Variants in TRIM14 observed in about 807,000 individuals in gnomAD.
The protein encoded by TRIM14 is tripartite motif containing 14, also known as tripartite motif-containing protein 14.
In TRIM14, 28 loss-of-function variants were observed where a neutral mutation model predicts 44.5. That is an observed-to-expected ratio of 0.63 (90% CI 0.47 to 0.86). TRIM14 has a LOEUF of 0.86. Ranked by LOEUF, TRIM14 falls within the 40% of genes least tolerant of loss-of-function variation. TRIM14 has a pLI of 0.00. For missense variants in TRIM14, 607 were observed against 611.1 expected (o/e 0.99, Z 0.07); for synonymous variants, 299 against 269.2 (o/e 1.11, Z -1.08).
At chr9:98,059,489 A>G in the TRIM14 span, among the ~76,000 whole-genome samples, 2 of 152,058 alleles carry the variant, frequency 1.3e-5, no homozygotes, top group Non-Finnish European at 2.9e-5. Context: ...ATCATAGCTC[A>G]TTGCCACCTC....
At chr9:98,078,180 C>CTGA (rs768328207) in intron 6 of TRIM14, 17 of 1,614,140 alleles carry the variant, frequency 1.1e-5, no homozygotes, top group Admixed American at 1.7e-5. Context: ...GGTGTTGGTG[C>CTGA]TGGATTACTC....
downstream of TRIM14, chr9:98,082,953 C>CAT: frequency 6.2e-7 from 1 of 1,614,172 alleles, no homozygotes; most frequent in Non-Finnish European, 8.5e-7. Context: ...CTCCTGAAGA[C>CAT]ATCTTTAATC....
chr9:98,061,458 C>A, the TRIM14 span, among the ~76,000 whole-genome samples: 2 of 111,844 alleles, frequency 1.8e-5, no homozygotes. Context: ...GCCTGGGCAA[C>A]AGAACAAGAG....
intron 6 of TRIM14, among the ~76,000 whole-genome samples, chr9:98,072,089 T>C (rs1035448144): frequency 1.3e-5 from 2 of 152,198 alleles, no homozygotes; most frequent in African/African-American, 4.8e-5. Context: ...AGTCAGGCTC[T>C]CTGAGCTCAG....
intron 5 of TRIM14, 26 bp from the exon 6 acceptor site, chr9:98,088,031 ACCTGGTGGGCGGGG>A (rs753407650): frequency 6.9e-7 from 1 of 1,458,610 alleles, no homozygotes; most frequent in African/African-American, 1.5e-5. Context: ...CAAGGGACGC[ACCTGGTGGGCGGGG>A]CCAGCGCGGC....
chr9:98,068,132 T>C (rs927404624), downstream of TRIM14, among the ~76,000 whole-genome samples: 5 of 152,160 alleles, frequency 3.3e-5, no homozygotes, highest in Non-Finnish European at 7.4e-5. Context: ...GTTTAAAAAT[T>C]TCTCATTTAT....
At chr9:98,094,582 A>G (rs1826113926) in intron 4 of TRIM14, among the ~76,000 whole-genome samples, 1 of 152,230 alleles carries the variant, frequency 6.6e-6, no homozygotes, top group Non-Finnish European at 1.5e-5. Context: ...TGGTCATTCC[A>G]GCTGGGAGCC....
intron 6 of TRIM14, among the ~76,000 whole-genome samples, chr9:98,070,774 T>TA (rs758925592): frequency 6.6e-6 from 1 of 150,640 alleles, no homozygotes; most frequent in Non-Finnish European, 1.5e-5. Context: ...CATCAAAAAA[T>TA]AAAAATAAAA....
chr9:98,098,450 G>A (rs1310066101), intron 3 of TRIM14, among the ~76,000 whole-genome samples: 2 of 152,002 alleles, frequency 1.3e-5, no homozygotes, highest in Non-Finnish European at 2.9e-5. Context: ...GGTGGCTCAC[G>A]CCTGTAATCC....
chr9:98,046,787 T>A, the TRIM14 span, among the ~76,000 whole-genome samples: 1 of 152,156 alleles, frequency 6.6e-6, no homozygotes, highest in Non-Finnish European at 1.5e-5. Flanking sequence ...TTTAAAGCCT[T>A]TACAAAAGGC....
At chr9:98,093,933 A>G (rs1826089469) in intron 4 of TRIM14, among the ~76,000 whole-genome samples, 1 of 152,028 alleles carries the variant, frequency 6.6e-6, no homozygotes, top group South Asian at 2.1e-4. Context: ...TGTAGTAGAG[A>G]TGGGGTTTCA....
At chr9:98,046,528 G>A in the TRIM14 span, among the ~76,000 whole-genome samples, 6 of 151,594 alleles carry the variant, frequency 4.0e-5, no homozygotes, top group Admixed American at 6.6e-5. Flanking sequence ...AGCAACCTCC[G>A]CCTCCCGGGT....
In TRIM14 at chr9:98,087,405, T is replaced by C. The variant is rs895659718; in HGVS notation, c.*65A>G. On this transcript the variant is annotated 3_prime_UTR_variant, in exon 6 of 6. Transcript: ENST00000341469. Reference sequence around the variant, plus strand: ...AGTAAGGGGACCAGCCACGCTGATCTAGGTAGATTAGGCGAGACTGGGCAG... The same window carrying C: ...AGTAAGGGGACCAGCCACGCTGATCCAGGTAGATTAGGCGAGACTGGGCAG... The C allele has an allele frequency of 1.9e-6, 3 of 1,608,664 alleles. No individual in the cohort carries two copies. The highest frequency in any genetic ancestry group is 2.7e-5 in the African/African-American group (2 of 74,786).
At chr9:98,060,415 T>C in the TRIM14 span, among the ~76,000 whole-genome samples, 3 of 152,226 alleles carry the variant, frequency 2.0e-5, no homozygotes, top group Admixed American at 6.5e-5. Context: ...ATGCCTGTAA[T>C]CCCAGCACTT....
At chr9:98,044,728 AAAC>A in the TRIM14 span, among the ~76,000 whole-genome samples, 2 of 152,154 alleles carry the variant, frequency 1.3e-5, no homozygotes, top group African/African-American at 4.8e-5. Context: ...TTACCTATGA[AAAC>A]AACAGTTCAG....
chr9:98,044,800 A>G, the TRIM14 span, among the ~76,000 whole-genome samples: 6 of 152,266 alleles, frequency 3.9e-5, no homozygotes, highest in Admixed American at 2.0e-4. Context: ...GAGAAAAAGC[A>G]ATGGAGAAGA....
At chr9:98,116,068 G>A (rs1347199205) in intron 1 of TRIM14, 4 of 152,066 alleles carry the variant, frequency 2.6e-5, no homozygotes, top group African/African-American at 9.7e-5. Flanking sequence ...GGGACACTGA[G>A]GTGGGCAGTT....
intron 4 of TRIM14, chr9:98,092,410 C>G (rs533129705): frequency 5.9e-4 from 179 of 301,594 alleles, no homozygotes; most frequent in African/African-American, 3.8e-3. Flanking sequence ...ACTTGCTGTG[C>G]CCTCTGCCTG....
At chr9:98,092,508 G>C in intron 4 of TRIM14, 1 of 429,488 alleles carries the variant, frequency 2.3e-6, no homozygotes, top group Non-Finnish European at 4.7e-6. Flanking sequence ...CTCCGCAGAA[G>C]TGCCTTCCGC....
Sources: gnomAD v4.1 joint callset for allele counts (sites outside exome capture counted in the v4.1 genomes callset) on GRCh38, gnomAD v4.1.1 for gene constraint, MANE v1.5 for transcripts, NCBI Gene and HGNC (gene_info 2026-07-23, HGNC 2026-07-21) for gene names.